STIM1: variants seen among roughly 807,000 people sequenced by gnomAD.
STIM1 encodes the protein stromal interaction molecule 1.
STIM1 carries 25 observed loss-of-function variants against 74.7 expected under a neutral mutation model. That is an observed-to-expected ratio of 0.33 (90% CI 0.24 to 0.47). The LOEUF is 0.47. Among genes scored for constraint, STIM1 ranks in the 20% least tolerant of loss-of-function variants. The probability of loss-of-function intolerance (pLI) is 1.00; values close to 1 mark genes in which losing one functional copy is unlikely to be tolerated. For synonymous variants in STIM1, 328 were observed against 348.8 expected, an observed-to-expected ratio of 0.94 and a Z score of 0.66; for missense variants, 728 against 920.8, an observed-to-expected ratio of 0.79 and a Z score of 2.71.
intron 12 of STIM1, 59 bp downstream of exon 12, chr11:4,086,602 C>G: frequency 6.2e-7 from 1 of 1,606,532 alleles, no homozygotes. Context: ...GCGGCGAATG[C>G]GCAGCCTTTC....
chr11:4,057,128 G>T (rs749826883), intron 4 of STIM1, among the ~76,000 whole-genome samples: 1 of 152,210 alleles, frequency 6.6e-6, no homozygotes, highest in African/African-American at 2.4e-5. Flanking sequence ...TAATGGAAAA[G>T]TAGATGACTG....
chr11:3,912,468 G>A, intron 1 of STIM1, among the ~76,000 whole-genome samples: 1 of 151,394 alleles, frequency 6.6e-6, no homozygotes, highest in East Asian at 2.0e-4. Context: ...AGATTCAAGT[G>A]ATTCTCCTAC....
intron 1 of STIM1, among the ~76,000 whole-genome samples, chr11:3,885,202 A>T (rs2091660821): frequency 1.3e-5 from 2 of 151,292 alleles, no homozygotes; most frequent in South Asian, 4.2e-4. Flanking sequence ...TTTTTGAGAC[A>T]GTATCTCACT....
intron 1 of STIM1, among the ~76,000 whole-genome samples, chr11:3,954,568 A>G (rs1246440375): frequency 6.6e-6 from 1 of 152,148 alleles, no homozygotes; most frequent in Non-Finnish European, 1.5e-5. Context: ...TGTTTTGAGA[A>G]TGTATAATGT....
intron 2 of STIM1, among the ~76,000 whole-genome samples, chr11:3,998,073 A>G (rs1590632907): frequency 1.3e-5 from 2 of 152,298 alleles, no homozygotes; most frequent in East Asian, 1.9e-4. Flanking sequence ...TTCTTTTAGT[A>G]TCTTTAATCC....
At chr11:3,912,474 C>T (rs1348293887) in intron 1 of STIM1, among the ~76,000 whole-genome samples, 1 of 151,688 alleles carries the variant, frequency 6.6e-6, no homozygotes, top group East Asian at 1.9e-4. Context: ...AAGTGATTCT[C>T]CTACCTCAGC....
At chr11:3,988,469 A>T (rs1481896938) in intron 2 of STIM1, among the ~76,000 whole-genome samples, 6 of 152,006 alleles carry the variant, frequency 3.9e-5, no homozygotes, top group Non-Finnish European at 7.4e-5. Flanking sequence ...CTTTTTTTTT[A>T]AAGTTATTCC....
intron 3 of STIM1, among the ~76,000 whole-genome samples, chr11:4,046,218 C>T (rs1026276396): frequency 1.3e-5 from 2 of 151,880 alleles, no homozygotes; most frequent in Non-Finnish European, 2.9e-5. Context: ...GCACGCACCA[C>T]CCCTCAACAC....
At chr11:3,904,313 G>A (rs1474425137) in intron 1 of STIM1, among the ~76,000 whole-genome samples, 1 of 151,842 alleles carries the variant, frequency 6.6e-6, no homozygotes, top group Non-Finnish European at 1.5e-5. Context: ...GTGCCAGACA[G>A]AGTGCCCTGG....
intron 2 of STIM1, among the ~76,000 whole-genome samples, chr11:4,008,301 A>T (rs978992817): frequency 6.6e-6 from 1 of 152,170 alleles, no homozygotes; most frequent in African/African-American, 2.4e-5. Flanking sequence ...CACATCTAGC[A>T]TACTCTATGA....
chr11:4,079,671 C>T (rs1171634851), intron 7 of STIM1, among the ~76,000 whole-genome samples: 1 of 152,140 alleles, frequency 6.6e-6, no homozygotes, highest in African/African-American at 2.4e-5. Flanking sequence ...TTTGAAAACA[C>T]AATTTTCATA....
At chr11:4,020,201 G>T (rs868344135) in intron 2 of STIM1, among the ~76,000 whole-genome samples, 6 of 152,088 alleles carry the variant, frequency 3.9e-5, no homozygotes, top group Admixed American at 1.3e-4. Context: ...TTCATTTGCT[G>T]ATGGGCCCTG....
chr11:3,869,713 T>A (rs1163773851), intron 1 of STIM1, among the ~76,000 whole-genome samples: 1 of 152,190 alleles, frequency 6.6e-6, no homozygotes, highest in African/African-American at 2.4e-5. Context: ...CTTGCACGTT[T>A]TGACAAGGGG....
At chr11:3,975,926 T>A (rs992901385) in intron 2 of STIM1, among the ~76,000 whole-genome samples, 4 of 152,190 alleles carry the variant, frequency 2.6e-5, no homozygotes, top group Non-Finnish European at 5.9e-5. Context: ...CTGGAAAAGT[T>A]TCACAGTTTC....
At chr11:3,901,911 G>T (rs1202379986) in intron 1 of STIM1, among the ~76,000 whole-genome samples, 1 of 152,170 alleles carries the variant, frequency 6.6e-6, no homozygotes, top group Non-Finnish European at 1.5e-5. Flanking sequence ...GAAACTACAG[G>T]CACGTGCCAC....
chr11:3,989,393 A>C, intron 2 of STIM1: 1 of 762,376 alleles, frequency 1.3e-6, no homozygotes, highest in South Asian at 1.3e-5. Context: ...TTAGCAGACA[A>C]CCGCGCCGAT....
intron 2 of STIM1, among the ~76,000 whole-genome samples, chr11:4,021,973 T>G (rs1423163768): frequency 1.3e-5 from 2 of 152,114 alleles, no homozygotes; most frequent in African/African-American, 4.8e-5. Flanking sequence ...TTTAATTTCT[T>G]TTTCAGATTT....
At chr11:4,086,813 C>A (rs1299593756) in intron 12 of STIM1, 1 of 1,536,476 alleles carries the variant, frequency 6.5e-7, no homozygotes, top group East Asian at 2.4e-5. Context: ...CCTGACACAC[C>A]CCCTTCTGAC....
intron 1 of STIM1, among the ~76,000 whole-genome samples, chr11:3,864,587 A>G (rs572137090): frequency 6.6e-6 from 1 of 152,340 alleles, no homozygotes; most frequent in Non-Finnish European, 1.5e-5. Flanking sequence ...AGTGCCTAAG[A>G]TAGATACCTC....
Sources: gnomAD v4.1 joint callset for allele counts (sites outside exome capture counted in the v4.1 genomes callset) on GRCh38, gnomAD v4.1.1 for gene constraint, MANE v1.5 for transcripts, NCBI Gene and HGNC (gene_info 2026-07-23, HGNC 2026-07-21) for gene names.